The following KIAA1614 variants were observed in gnomAD, a reference collection of about 807,000 sequenced individuals.
KIAA1614 encodes the protein uncharacterized protein KIAA1614.
In KIAA1614, 76 loss-of-function variants were observed where a neutral mutation model predicts 88.7. The ratio of observed to expected loss-of-function variants is 0.86; its 90% CI spans 0.71 to 1.04. KIAA1614 has a LOEUF of 1.04. Among genes scored for constraint, KIAA1614 ranks in the 50% least tolerant of loss-of-function variants. KIAA1614 has a pLI of 0.00. For missense variants in KIAA1614, 1,553 were observed against 1,582.5 expected (o/e 0.98, Z 0.32); for synonymous variants, 714 against 675.5 (o/e 1.06, Z -0.88).
At chr1:180,918,681 T>C (rs762272474) in intron 3 of KIAA1614, among the ~76,000 whole-genome samples, 6 of 152,152 alleles carry the variant, frequency 3.9e-5, no homozygotes, top group Admixed American at 6.5e-5. Context: ...TGTCAGCCCC[T>C]GCGAGGCCTT....
chr1:180,926,471 T>TGA, intron 3 of KIAA1614, among the ~76,000 whole-genome samples: 1 of 34,786 alleles, frequency 2.9e-5, no homozygotes, highest in Non-Finnish European at 5.8e-5. Context: ...AGACAGCTGA[T>TGA]GAGAAAAAAA....
At chr1:180,940,592 A>G (rs998751307) in intron 6 of KIAA1614, among the ~76,000 whole-genome samples, 1 of 152,136 alleles carries the variant, frequency 6.6e-6, no homozygotes, top group Non-Finnish European at 1.5e-5. Flanking sequence ...ATACTCCCCA[A>G]AAGCAACCCA....
At chr1:180,930,933 TAGATGCAGG>T (rs1229920702) in intron 4 of KIAA1614, among the ~76,000 whole-genome samples, 3 of 152,220 alleles carry the variant, frequency 2.0e-5, no homozygotes, top group Non-Finnish European at 4.4e-5. Context: ...AGGCCTCAGT[TAGATGCAGG>T]AGGCCCCATC....
In KIAA1614 at chr1:180,936,543, C is replaced by G; in HGVS notation, c.2634C>G (p.Thr878=). ...QVRHPLLALS[T]NNCNNSAPRG... is the part of the protein sequence containing the mutation. ...GGCACCCACTGCTGGCCCTGTCCACCAACAACTGCAACAACAGCGCACCTC... is the reference window on the plus strand; with the variant it reads ...GGCACCCACTGCTGGCCCTGTCCACGAACAACTGCAACAACAGCGCACCTC... Residue 878 remains threonine, a synonymous_variant, in exon 5 of 9, where the codon ACC becomes ACG. Transcript: ENST00000367588. 2.5e-6 allele frequency: 4 copies of G among 1,614,050 alleles called. No homozygotes were observed. The highest frequency in any genetic ancestry group is 3.4e-6 in the Non-Finnish European group (4 of 1,180,014).
intron 1 of KIAA1614, 66 bp from the exon 2 acceptor site, chr1:180,916,088 C>G: frequency 7.7e-7 from 1 of 1,298,830 alleles, no homozygotes; most frequent in Non-Finnish European, 1.0e-6. Context: ...CACTTTGGGG[C>G]CCCGGGAGGT....
intron 1 of KIAA1614, 95 bp downstream of exon 1, chr1:180,913,388 G>A (rs1653704545): frequency 1.2e-6 from 1 of 803,804 alleles, no homozygotes; most frequent in South Asian, 6.3e-5. Flanking sequence ...CGGCCACTGG[G>A]AAGCGGGCCT....
At chr1:180,921,526 T>C (rs1423417871) in intron 3 of KIAA1614, among the ~76,000 whole-genome samples, 1 of 152,154 alleles carries the variant, frequency 6.6e-6, no homozygotes, top group Non-Finnish European at 1.5e-5. Flanking sequence ...CACTCAGGGC[T>C]GCCGGCCCCA....
In KIAA1614 at chr1:180,941,208, A is replaced by G. The variant is rs1558072627; in HGVS notation, c.3082A>G (p.Ser1028Gly). 1 of 1,613,876 alleles carries G rather than the reference A, an allele frequency of 6.2e-7. No individual in the cohort carries two copies. Among genetic ancestry groups the G allele is most frequent in the Non-Finnish European group, 8.5e-7 (1 of 1,179,980 alleles). ...RPKLGKSRSY[S>G]VEQLQPAPPG... The stretch of plus-strand genomic sequence containing the variant: ...CAAGCTGGGCAAGTCCCGCAGCTAC[A>G]GTGTGGAGCAGTTGCAGCCCGCCCC... Residue 1028 changes from serine (S) to glycine (G), a missense_variant, in exon 7 of 9, where the codon AGT (serine) becomes GGT (glycine). By Grantham distance (56) the Ser-to-Gly change is moderately conservative. Coordinates refer to ENST00000367588, the MANE Select transcript of KIAA1614 (RefSeq NM_020950.2).
At chr1:180,917,754 C>A in intron 2 of KIAA1614, 97 bp from the exon 3 acceptor site, 2 of 996,990 alleles carry the variant, frequency 2.0e-6, no homozygotes, top group Admixed American at 1.8e-5. Context: ...GAGTAAGTTG[C>A]TTCTGGAGAA....
intron 3 of KIAA1614, among the ~76,000 whole-genome samples, chr1:180,926,660 C>T (rs1307082352): frequency 1.3e-5 from 2 of 152,236 alleles, no homozygotes; most frequent in Non-Finnish European, 2.9e-5. Flanking sequence ...GCCGTGGAAC[C>T]ACAGCTGTCA....
intron 6 of KIAA1614, among the ~76,000 whole-genome samples, chr1:180,938,983 C>G (rs940181996): frequency 1.3e-5 from 2 of 152,246 alleles, no homozygotes; most frequent in African/African-American, 4.8e-5. Flanking sequence ...TAGCAGAGCC[C>G]TAGCCCTGGG....
chr1:180,938,600 A>T lies in KIAA1614; in HGVS notation c.2807A>T (p.Asn936Ile). 6.2e-7 allele frequency: 1 copy of T among 1,613,900 alleles called. No homozygotes were observed. The highest frequency in any genetic ancestry group is 8.5e-7 in the Non-Finnish European group (1 of 1,179,938). The change falls in exon 6 of 9, where the codon AAC becomes ATC. Residue 936 changes from asparagine (N) to isoleucine (I), a missense_variant. Transcript: ENST00000367588. ...FLGSADVATI[N>I]STGITLSLSS... The stretch of plus-strand genomic sequence containing the variant: ...GGCTCAGCAGATGTTGCCACCATCA[A>T]CTCCACGGGCATCACCCTCTCCCTG...
chr1:180,917,824 G>A (rs1558063972), intron 2 of KIAA1614, 27 bp from the exon 3 acceptor site: 1 of 1,608,104 alleles, frequency 6.2e-7, no homozygotes, highest in African/African-American at 1.3e-5. Context: ...GCTCTGTCCT[G>A]ATCTCTGCTT....
chr1:180,913,426 TG>T, intron 1 of KIAA1614, 133 bp downstream of exon 1: 1 of 469,716 alleles, frequency 2.1e-6, no homozygotes, highest in Non-Finnish European at 3.4e-6. Context: ...GGAAGGGTCG[TG>T]GGGAGGCCCG....
At chr1:180,913,585 G>T (rs1330813333) in intron 1 of KIAA1614, among the ~76,000 whole-genome samples, 1 of 152,178 alleles carries the variant, frequency 6.6e-6, no homozygotes, top group Non-Finnish European at 1.5e-5. Context: ...CATTCTTTAA[G>T]GTCTCTGGCG....
intron 1 of KIAA1614, 25 bp downstream of exon 1, chr1:180,913,318 G>C: frequency 8.1e-7 from 1 of 1,238,888 alleles, no homozygotes; most frequent in East Asian, 3.2e-5. Context: ...GGCAGCGCCG[G>C]GCCGGCCGGG....
intron 4 of KIAA1614, among the ~76,000 whole-genome samples, chr1:180,933,089 G>A (rs1011044190): frequency 1.2e-4 from 18 of 152,322 alleles, no homozygotes; most frequent in African/African-American, 3.6e-4. Context: ...GTGCTTATGG[G>A]GGGAAATGAC....
intron 8 of KIAA1614, 186 bp from the exon 9 acceptor site, chr1:180,945,117 C>T (rs1422560203): frequency 5.0e-6 from 3 of 604,548 alleles, no homozygotes; most frequent in Non-Finnish European, 8.1e-6. Flanking sequence ...GGGGGCCTTG[C>T]ACAGCGGCGG....
Position 180,944,417 on chromosome 1 carries a change from C to T in KIAA1614, c.3188C>T (p.Ala1063Val). 1 of 1,613,978 alleles carries T rather than the reference C, an allele frequency of 6.2e-7. No individual in the cohort carries two copies. The highest frequency in any genetic ancestry group is 8.5e-7 in the Non-Finnish European group (1 of 1,179,880). Residue 1063 changes from alanine (A) to valine (V), a missense_variant, in exon 8 of 9, where the codon GCT (alanine) becomes GTT (valine). Coordinates refer to ENST00000367588, the MANE Select transcript of KIAA1614 (RefSeq NM_020950.2). ...TCACCCTCTCACCAGCGTCGGAAAG[C>T]TGCCTCTTTTCAGAACCTCCATTCT... ...PVSPSHQRRK[A>V]ASFQNLHSLL...
Sources: allele counts gnomAD v4.1 joint callset (sites outside exome capture counted in the v4.1 genomes callset), GRCh38; gene constraint gnomAD v4.1.1; transcripts MANE v1.5; gene names NCBI Gene and HGNC (gene_info 2026-07-23, HGNC 2026-07-21).